The following CSMD3 variants were observed in gnomAD, a reference collection of about 807,000 sequenced individuals.
CSMD3 encodes CUB and Sushi multiple domains 3, also known as CUB and sushi domain-containing protein 3.
A neutral mutation model predicts 435.2 loss-of-function variants in CSMD3; 177 were observed. That is an observed-to-expected ratio of 0.41 (90% CI 0.36 to 0.46). The LOEUF (loss-of-function observed/expected upper bound fraction) is 0.46. CSMD3 is among the 20% of genes least tolerant of loss of function. The probability of loss-of-function intolerance (pLI) is 0.34; values close to 1 mark genes in which losing one functional copy is unlikely to be tolerated. For missense variants in CSMD3, 4,265 were observed against 4,504.6 expected (o/e 0.95, Z 1.52); for synonymous variants, 1,656 against 1,520.5 (o/e 1.09, Z -2.07).
At chr8:113,373,279 T>C (rs952518156) in intron 1 of CSMD3, among the ~76,000 whole-genome samples, 14 of 152,104 alleles carry the variant, frequency 9.2e-5, no homozygotes, top group African/African-American at 3.4e-4. Flanking sequence ...AATCTCTGCA[T>C]TTATTTACTC....
rs536311592 is a variant in CSMD3 at position 112,759,738 on chromosome 8, T to C, written c.1972+40424A>G. 2.6e-5 allele frequency among the ~76,000 whole-genome samples: 4 copies of C among 152,292 alleles called. No homozygotes were observed. The South Asian group carries it at 8.3e-4, about 32-fold the overall frequency. The stretch of plus-strand genomic sequence containing the variant: ...CAAACTATTATTGTAAAATGTGTTA[T>C]TTTCGCAGCCTTTTAGTGATCTTTT... On this transcript the variant is annotated intron_variant, in intron 13 of 70. Transcript: ENST00000297405.
rs141661196 is a variant in CSMD3, at chr8:113,394,687, A to T, written c.178+41990T>A. On this transcript the variant is annotated intron_variant, in intron 1 of 70. Transcript: ENST00000297405. ...TGATGCTTTTGGACTATTCAAGTTA[A>T]GGAGCATTTATTTGCCTACCAAGTG... 2.6e-5 allele frequency among the ~76,000 whole-genome samples: 4 copies of T among 152,312 alleles called. No individual in the cohort carries two copies. In the East Asian group the frequency reaches 5.8e-4, roughly 22 times the overall value.
intron 4 of CSMD3, among the ~76,000 whole-genome samples, chr8:113,169,289 G>T (rs1459016034): frequency 1.3e-5 from 2 of 152,018 alleles, no homozygotes; most frequent in African/African-American, 2.4e-5. Context: ...TAGCCCTTTT[G>T]CTTAGATGTA....
At chr8:112,785,897 T>C (rs191395372) in intron 13 of CSMD3, among the ~76,000 whole-genome samples, 2 of 151,970 alleles carry the variant, frequency 1.3e-5, no homozygotes, top group Non-Finnish European at 2.9e-5. Context: ...AAAATACCAA[T>C]GACATTCTTC....
chr8:112,775,063 T>C (rs533545193), intron 13 of CSMD3, among the ~76,000 whole-genome samples: 3 of 152,016 alleles, frequency 2.0e-5, no homozygotes, highest in Non-Finnish European at 4.4e-5. Flanking sequence ...ACCACTTATA[T>C]GCCCCCACTT....
At chr8:113,156,811 G>C (rs1174715926) in intron 4 of CSMD3, among the ~76,000 whole-genome samples, 1 of 151,600 alleles carries the variant, frequency 6.6e-6, no homozygotes, top group African/African-American at 2.4e-5. Context: ...CATGCCCATA[G>C]TCCTAGATAT....
At chr8:112,881,091 T>G (rs904533541) in intron 10 of CSMD3, among the ~76,000 whole-genome samples, 1 of 152,074 alleles carries the variant, frequency 6.6e-6, no homozygotes, top group Non-Finnish European at 1.5e-5. Context: ...AGAACTATGA[T>G]GCACTCAACT....
At chr8:112,494,894 A>G (rs538023355) in intron 30 of CSMD3, among the ~76,000 whole-genome samples, 4 of 152,208 alleles carry the variant, frequency 2.6e-5, no homozygotes, top group African/African-American at 9.6e-5. Flanking sequence ...TTCAAACCAG[A>G]GCTAAATGAC....
intron 3 of CSMD3, among the ~76,000 whole-genome samples, chr8:113,247,557 T>C (rs1237302862): frequency 6.6e-6 from 1 of 152,156 alleles, no homozygotes; most frequent in Non-Finnish European, 1.5e-5. Context: ...TTGAAAGTCA[T>C]TAATTTTCAG....
rs1383403140 is a variant in CSMD3, at chr8:112,975,870, T to C, written c.1309A>G (p.Arg437Gly). 4 of 1,613,782 alleles carry C rather than the reference T, an allele frequency of 2.5e-6. No homozygotes were observed. The highest frequency in any genetic ancestry group is 3.4e-6 in the Non-Finnish European group (4 of 1,179,894). ...GTAACAACTGCAAGCTCTTTAGTTC[T>C]TTCTATCTGTTCAGCATGTCTTGGT... Reference protein sequence around the residue: ...RRPRHAEQIERTKELAVVTHR... With the variant: ...RRPRHAEQIEGTKELAVVTHR... The change falls in exon 7 of 71, where the codon AGA (arginine) becomes GGA (glycine). Residue 437 changes from arginine (R) to glycine (G), a missense_variant. Arg to Gly is a moderately radical substitution (Grantham distance 125, BLOSUM62 -2). Transcript: ENST00000297405.
intron 22 of CSMD3, among the ~76,000 whole-genome samples, chr8:112,601,463 T>G (rs755052289): frequency 2.4e-4 from 36 of 152,064 alleles, no homozygotes; most frequent in Non-Finnish European, 4.4e-4. Flanking sequence ...AAACATACAA[T>G]CAAGGAACTT....
chr8:113,417,528 GT>G (rs1197578893), intron 1 of CSMD3, among the ~76,000 whole-genome samples: 1 of 151,906 alleles, frequency 6.6e-6, no homozygotes, highest in East Asian at 1.9e-4. Context: ...ACTTCTCATT[GT>G]TTTATGCCCC....
intron 38 of CSMD3, among the ~76,000 whole-genome samples, chr8:112,359,060 T>C (rs962479005): frequency 6.6e-6 from 1 of 152,166 alleles, no homozygotes; most frequent in Non-Finnish European, 1.5e-5. Flanking sequence ...AATATGCAAC[T>C]ATTATTATTA....
At chr8:113,298,018 T>C (rs755478085) in intron 2 of CSMD3, among the ~76,000 whole-genome samples, 13 of 152,054 alleles carry the variant, frequency 8.5e-5, no homozygotes, top group Non-Finnish European at 1.9e-4. Context: ...CAACAGGCTT[T>C]GATACAACAC....
At chr8:112,752,699 A>G (rs960605712) in intron 13 of CSMD3, among the ~76,000 whole-genome samples, 1 of 152,226 alleles carries the variant, frequency 6.6e-6, no homozygotes, top group African/African-American at 2.4e-5. Flanking sequence ...AAAAAGAAAG[A>G]CAATATGAGT....
chr8:113,002,694 A>T (rs1259839936), intron 6 of CSMD3, among the ~76,000 whole-genome samples: 2 of 152,126 alleles, frequency 1.3e-5, no homozygotes, highest in Admixed American at 6.6e-5. Context: ...TGACTAGGTT[A>T]TAACTTTATC....
At chr8:112,232,711 A>G (rs1414739180) in intron 68 of CSMD3, among the ~76,000 whole-genome samples, 1 of 152,252 alleles carries the variant, frequency 6.6e-6, no homozygotes, top group African/African-American at 2.4e-5. Context: ...GGTGAATTGT[A>G]GGATACGTGA....
At chr8:113,354,642 T>C (rs113578627) in intron 1 of CSMD3, among the ~76,000 whole-genome samples, 2 of 152,154 alleles carry the variant, frequency 1.3e-5, no homozygotes, top group African/African-American at 4.8e-5. Context: ...TGTTTTGTTT[T>C]TGTTTGTTTT....
rs563469219 is a variant in CSMD3 at position 112,658,889 on chromosome 8, A to C, written c.2817-2548T>G. The stretch of plus-strand genomic sequence containing the variant: ...AGAATCACTTGAACCTGGGAGGCGG[A>C]GGTTGCAGTGGGCCGAGATCGCACC... On this transcript the variant is annotated intron_variant, in intron 17 of 70. Coordinates refer to ENST00000297405, the MANE Select transcript of CSMD3 (RefSeq NM_198123.2). 4.5e-4 allele frequency among the ~76,000 whole-genome samples: 68 copies of C among 152,234 alleles called. 1 individual carries two copies. Among genetic ancestry groups the C allele is most frequent in the Non-Finnish European group, 6.3e-4 (43 of 68,002 alleles).
Sources: allele counts gnomAD v4.1 joint callset (sites outside exome capture counted in the v4.1 genomes callset), GRCh38; gene constraint gnomAD v4.1.1; transcripts MANE v1.5; gene names NCBI Gene and HGNC (gene_info 2026-07-23, HGNC 2026-07-21).